The following IQSEC1 variants were observed in gnomAD, a reference collection of about 807,000 sequenced individuals.
The protein encoded by IQSEC1 is IQ motif and SEC7 domain-containing protein 1.
Under a neutral mutation model 91.0 loss-of-function variants are expected in IQSEC1, and 31 were observed. The ratio of observed to expected loss-of-function variants is 0.34; its 90% confidence interval spans 0.26 to 0.46. IQSEC1 has a LOEUF of 0.46. Ranked by LOEUF, IQSEC1 falls within the 20% of genes least tolerant of loss-of-function variation. The pLI is 1.00. For missense variants in IQSEC1, 1,388 were observed against 1,575.6 expected (o/e 0.88, Z 2.02); for synonymous variants, 699 against 662.6 (o/e 1.05, Z -0.84).
At chr3:13,066,600 C>T (rs560515063) in intron 1 of IQSEC1, among the ~76,000 whole-genome samples, 1 of 152,306 alleles carries the variant, frequency 6.6e-6, no homozygotes, top group African/African-American at 2.4e-5. Context: ...GGAGTTGGAA[C>T]GTTGTGGGAT....
chr3:13,063,509 G>A lies in IQSEC1; in HGVS notation c.23+9483C>T, dbSNP rs192333738. Among the ~76,000 whole-genome samples the A allele has an allele frequency of 6.4e-4, 98 of 152,300 alleles. 1 individual carries two copies. The highest frequency in any genetic ancestry group is 3.4e-3 in the Middle Eastern group (1 of 294). On this transcript the variant is annotated intron_variant, in intron 1 of 13. Coordinates refer to ENST00000613206, the MANE Select transcript of IQSEC1 (RefSeq NM_001134382.3). The stretch of plus-strand genomic sequence containing the variant: ...AGGGCAGAGGAGGGCAGGAGTGGCC[G>A]TCAGCAGGGCTGTTCTGCAAGCCCA...
At position 12,899,965 on chromosome 3, in the gene IQSEC1, AAG is replaced by A; in HGVS notation, c.*1016_*1017del. 1.0e-6 allele frequency: 1 copy of A among 985,254 alleles called. No homozygotes were observed. The highest frequency in any genetic ancestry group is 1.2e-6 in the Non-Finnish European group (1 of 829,886). The allele number at this position is 985,254 out of a possible 1,614,324, so 61.0% of individuals were successfully genotyped here. The stretch of plus-strand genomic sequence containing the variant: ...TGTGCGTCAAATCATATGCGCATAA[AAG>A]AAACATGGATCATGGAGAGTCACAG... On this transcript the variant is annotated 3_prime_UTR_variant, in exon 14 of 14. Transcript: ENST00000613206.
intron 2 of IQSEC1, among the ~76,000 whole-genome samples, chr3:13,113,299 A>G (rs1446376324): frequency 1.3e-5 from 2 of 152,210 alleles, no homozygotes; most frequent in East Asian, 3.8e-4. Context: ...GGGTGGGTTC[A>G]ATATGGAAGA....
rs1694443875 is a variant in IQSEC1 at position 13,211,508 on chromosome 3, TC to T, written c.273-47376del. On this transcript the variant is annotated intron_variant, in intron 1 of 15. Transcript: ENST00000648114. The surrounding 1 kb of genome is among the most constrained non-coding windows in gnomAD (Gnocchi z 5.3). ...GGCTCTTCAGGCATCCACCCCCAAG[TC>T]CCCTTTTGGGAGCAGTGTCTTCAGC... is the stretch of plus-strand genomic sequence containing the variant. Among the ~76,000 whole-genome samples, 1 of 150,454 alleles carries T rather than the reference TC, an allele frequency of 6.6e-6. No homozygotes were observed. Among genetic ancestry groups the T allele is most frequent in the Non-Finnish European group, 1.5e-5 (1 of 67,694 alleles).
At chr3:13,280,467 C>G (rs1015841311) in intron 1 of IQSEC1, among the ~76,000 whole-genome samples, 2 of 152,228 alleles carry the variant, frequency 1.3e-5, no homozygotes, top group Non-Finnish European at 2.9e-5. Flanking sequence ...ATGTGATGCC[C>G]CCGTCCCTGT....
chr3:13,266,581 C>G (rs1163932655), intron 1 of IQSEC1, among the ~76,000 whole-genome samples: 14 of 143,984 alleles, frequency 9.7e-5, no homozygotes, highest in Admixed American at 2.1e-4. Flanking sequence ...GAGGAAGCAG[C>G]TTTTTTTTTT....
intron 2 of IQSEC1, among the ~76,000 whole-genome samples, chr3:13,119,904 C>T (rs1055366370): frequency 6.6e-6 from 1 of 152,222 alleles, no homozygotes; most frequent in Non-Finnish European, 1.5e-5. Context: ...GCCGTCCACA[C>T]TCTGCCTCAC....
rs111491803 is a variant in IQSEC1 at position 13,278,782 on chromosome 3, G to T, written c.272+3929C>A. On this transcript the variant is annotated intron_variant, in intron 1 of 15. Transcript: ENST00000648114. ...TTCAGTGAGCCGAGATCACATCATT[G>T]CACTCCAGCTCTGGATGACAGAGCA... Among the ~76,000 whole-genome samples, 645 of 145,514 alleles carry T rather than the reference G, an allele frequency of 4.4e-3. 4 individuals carry two copies. The highest frequency in any genetic ancestry group is 0.015 in the African/African-American group (621 of 40,474).
In IQSEC1 at chr3:12,911,679, C is replaced by G. The variant is rs994592360; in HGVS notation, c.2366G>C (p.Arg789Pro). 1 of 1,613,780 alleles carries G rather than the reference C, an allele frequency of 6.2e-7. No homozygotes were observed. The highest frequency in any genetic ancestry group is 8.5e-7 in the Non-Finnish European group (1 of 1,180,010). ...KKKNSVTYSF[R>P]QSFSLYGMQV... ...CATGCCGTACAAGGAGAAGGACTGT[C>G]GGAAGCTGTACGTCACCGAGTTCTT... is the stretch of plus-strand genomic sequence containing the variant. The change falls in exon 10 of 14, where the codon CGA becomes CCA. Residue 789 changes from arginine (R) to proline (P), a missense_variant. By Grantham distance (103) the Arg-to-Pro change is moderately radical. This residue lies in a region of IQSEC1 where 1,059 missense variants were observed against 1,317.8 expected (regional missense o/e 0.80). Coordinates refer to ENST00000613206, the MANE Select transcript of IQSEC1 (RefSeq NM_001134382.3).
intron 1 of IQSEC1, among the ~76,000 whole-genome samples, chr3:12,948,837 T>C (rs762348412): frequency 1.3e-5 from 2 of 152,254 alleles, no homozygotes; most frequent in Non-Finnish European, 1.5e-5. Flanking sequence ...CAAGGGCATA[T>C]GGGCAGCTTG....
intron 2 of IQSEC1, among the ~76,000 whole-genome samples, chr3:12,939,571 C>T (rs1698560411): frequency 6.6e-6 from 1 of 152,198 alleles, no homozygotes; most frequent in Admixed American, 6.5e-5. Flanking sequence ...TGTCCCATTC[C>T]CACTTTTGCT....
At chr3:13,187,158 C>T (rs1234701306) in intron 1 of IQSEC1, among the ~76,000 whole-genome samples, 1 of 152,218 alleles carries the variant, frequency 6.6e-6, no homozygotes, top group East Asian at 1.9e-4. Context: ...TCCTACCTCA[C>T]AAACCCCTAC....
At chr3:13,012,747 G>A (rs1012557604) in intron 1 of IQSEC1, among the ~76,000 whole-genome samples, 2 of 152,164 alleles carry the variant, frequency 1.3e-5, no homozygotes, top group African/African-American at 4.8e-5. Flanking sequence ...TGAACACTGC[G>A]ATTCCGCCAT....
rs945732724 is a variant in IQSEC1 at position 12,967,497 on chromosome 3, C to T, written c.24-25632G>A. 6.8e-7 allele frequency: 1 copy of T among 1,461,190 alleles called. No individual in the cohort carries two copies. Among genetic ancestry groups the T allele is most frequent in the Non-Finnish European group, 9.0e-7 (1 of 1,112,542 alleles). 90.5% of individuals were successfully genotyped at this position (1,461,190 alleles called of 1,614,324 possible). ...GCCGGGCCGGGAGCCGGGACCCAGG[C>T]CCAGCAGAGGCCGCCGACTCCCGCC... On this transcript the variant is annotated intron_variant, in intron 1 of 13. Coordinates refer to ENST00000613206, the MANE Select transcript of IQSEC1 (RefSeq NM_001134382.3). The surrounding 1 kb of genome is among the most constrained non-coding windows in gnomAD (Gnocchi z 5.9).
Position 12,932,870 on chromosome 3 carries a change from C to T in IQSEC1, c.1568+2578G>A, listed in dbSNP as rs186725136. On this transcript the variant is annotated intron_variant, in intron 3 of 13. Transcript: ENST00000613206. The stretch of plus-strand genomic sequence containing the variant: ...CAGCTGGGAGTAAGCGGCAGATGCC[C>T]AGAGGAACATCTGGAGGCCTGGTAG... Among the ~76,000 whole-genome samples the T allele has an allele frequency of 4.3e-3, 654 of 152,378 alleles. 5 individuals are homozygous for T. Among genetic ancestry groups the T allele is most frequent in the African/African-American group, 0.015 (630 of 41,594 alleles).
intron 1 of IQSEC1, among the ~76,000 whole-genome samples, chr3:12,960,112 G>A (rs987256854): frequency 2.6e-5 from 4 of 152,116 alleles, no homozygotes; most frequent in African/African-American, 9.7e-5. Context: ...ATGGTATAAC[G>A]ATGACGGCTG....
chr3:12,954,056 GAAC>G (rs1238215468), intron 1 of IQSEC1, among the ~76,000 whole-genome samples: 3 of 152,256 alleles, frequency 2.0e-5, no homozygotes, highest in Admixed American at 2.0e-4. Context: ...CGTGTCCTGT[GAAC>G]CCAGGGCCAC....
chr3:13,278,600 C>T (rs182748941), intron 1 of IQSEC1, among the ~76,000 whole-genome samples: 1 of 152,254 alleles, frequency 6.6e-6, no homozygotes, highest in African/African-American at 2.4e-5. Context: ...AGGTGGATCA[C>T]CTGAGGTCAG....
rs900161590 is a variant in IQSEC1, at chr3:13,070,457, A to G, written c.23+2535T>C. On this transcript the variant is annotated intron_variant, in intron 1 of 13. Transcript: ENST00000613206. ...AACATCTAGAGATGCTCAACACCCC[A>G]TCTCCTTTCCACACTGAAAGGCAGG... Among the ~76,000 whole-genome samples the G allele has an allele frequency of 5.3e-5, 8 of 152,272 alleles. 1 individual carries two copies. Among genetic ancestry groups the G allele is most frequent in the Admixed American group, 6.5e-5 (1 of 15,288 alleles).
Sources: allele counts gnomAD v4.1 joint callset (sites outside exome capture counted in the v4.1 genomes callset), GRCh38; gene constraint gnomAD v4.1.1; regional missense constraint gnomAD v4.1.1; non-coding constraint Gnocchi (gnomAD v3.1); transcripts MANE v1.5; gene names NCBI Gene and HGNC (gene_info 2026-07-23, HGNC 2026-07-21).